DCAF1: variants seen among roughly 807,000 people sequenced by gnomAD.
DCAF1 encodes DDB1- and CUL4-associated factor 1.
A neutral mutation model predicts 128.0 loss-of-function variants in DCAF1; 15 were observed. The ratio of observed to expected loss-of-function variants is 0.12; its 90% confidence interval spans 0.08 to 0.18. The LOEUF (loss-of-function observed/expected upper bound fraction) is 0.18. DCAF1 is among the 10% of genes least tolerant of loss of function. The pLI is 1.00. For synonymous variants in DCAF1, 610 were observed against 603.0 expected, an observed-to-expected ratio of 1.01 and a Z score of -0.17; for missense variants, 988 against 1,649.5, an observed-to-expected ratio of 0.60 and a Z score of 6.95.
intron 17 of DCAF1, among the ~76,000 whole-genome samples, chr3:51,417,894 G>A (rs140537012): frequency 1.1e-4 from 16 of 152,030 alleles, no homozygotes; most frequent in East Asian, 9.7e-4. Context: ...ATTCTGGGTC[G>A]GGGTCTGCTG....
intron 2 of DCAF1, among the ~76,000 whole-genome samples, chr3:51,487,169 A>C (rs967831985): frequency 6.6e-6 from 1 of 151,500 alleles, no homozygotes; most frequent in Non-Finnish European, 1.5e-5. Flanking sequence ...ACAGGGTTTC[A>C]CCATGTTGGC....
chr3:51,404,408 C>G (rs905398960), intron 23 of DCAF1, among the ~76,000 whole-genome samples: 1 of 151,990 alleles, frequency 6.6e-6, no homozygotes, highest in Admixed American at 6.5e-5. Flanking sequence ...TTTTTTTGTT[C>G]TTATTATTTT....
At chr3:51,469,975 C>T (rs965970055) in intron 4 of DCAF1, among the ~76,000 whole-genome samples, 2 of 152,048 alleles carry the variant, frequency 1.3e-5, no homozygotes, top group African/African-American at 4.8e-5. Flanking sequence ...GAGCCAAGAT[C>T]GTGCCACTGC....
intron 6 of DCAF1, among the ~76,000 whole-genome samples, chr3:51,461,829 G>A (rs1292370242): frequency 2.0e-4 from 31 of 151,866 alleles, no homozygotes; most frequent in African/African-American, 6.5e-4. Context: ...ACCAAACACC[G>A]CATGTTCTCA....
chr3:51,458,873 A>G lies in DCAF1; in HGVS notation c.375+4241T>C, dbSNP rs1162323757. ...GATGTTCTTTGAAACCAATGAGAAC[A>G]AAGACAAAACATACCAGAATCTCTG... On this transcript the variant is annotated intron_variant, in intron 6 of 24. Coordinates refer to ENST00000684031, the MANE Select transcript of DCAF1 (RefSeq NM_001387579.1). Among the ~76,000 whole-genome samples the G allele has an allele frequency of 6.6e-5, 10 of 152,352 alleles. No homozygotes were observed. In the East Asian group the frequency reaches 1.9e-3, roughly 29 times the overall value.
chr3:51,468,924 T>A (rs1221974239), intron 4 of DCAF1, among the ~76,000 whole-genome samples: 3 of 152,220 alleles, frequency 2.0e-5, no homozygotes, highest in Non-Finnish European at 4.4e-5. Context: ...CATAATCCTA[T>A]GCATTAACTT....
chr3:51,407,211 T>C (rs1229585052), intron 23 of DCAF1, among the ~76,000 whole-genome samples: 4 of 151,692 alleles, frequency 2.6e-5, no homozygotes, highest in Non-Finnish European at 5.9e-5. Flanking sequence ...AATCTGATCC[T>C]GACCTTTATG....
downstream of DCAF1, chr3:51,396,458 T>G (rs1299547161): frequency 1.2e-5 from 2 of 167,156 alleles, no homozygotes; most frequent in Non-Finnish European, 2.9e-5. Context: ...GGAGGTCAGG[T>G]GGTCAATGTC....
upstream of DCAF1, among the ~76,000 whole-genome samples, chr3:51,500,771 G>A (rs577327314): frequency 7.7e-4 from 115 of 150,100 alleles, no homozygotes; most frequent in Middle Eastern, 3.5e-3. Context: ...GGCTGTTCTC[G>A]AACTCCTGGG....
intron 3 of DCAF1, among the ~76,000 whole-genome samples, chr3:51,474,627 T>G (rs1298326510): frequency 2.0e-5 from 3 of 151,756 alleles, no homozygotes; most frequent in African/African-American, 7.3e-5. Context: ...TTTAATGTTT[T>G]TTTAAGAGAC....
intron 23 of DCAF1, among the ~76,000 whole-genome samples, chr3:51,408,139 A>C (rs1490401993): frequency 2.6e-5 from 4 of 152,186 alleles, no homozygotes; most frequent in Non-Finnish European, 4.4e-5. Context: ...TGGGTGTCCA[A>C]TACATTGTTT....
intron 6 of DCAF1, among the ~76,000 whole-genome samples, chr3:51,460,207 AG>A (rs1553644069): frequency 6.6e-6 from 1 of 152,198 alleles, no homozygotes; most frequent in Non-Finnish European, 1.5e-5. Context: ...ACTTCAGCAA[AG>A]TCTCAGGATA....
chr3:51,463,677 G>A (rs1386683854), intron 5 of DCAF1, among the ~76,000 whole-genome samples: 1 of 152,028 alleles, frequency 6.6e-6, no homozygotes, highest in Non-Finnish European at 1.5e-5. Context: ...CAGCTACATG[G>A]GAGGCTGAGG....
At chr3:51,459,279 C>A (rs1553643835) in intron 6 of DCAF1, among the ~76,000 whole-genome samples, 1 of 152,158 alleles carries the variant, frequency 6.6e-6, no homozygotes. Flanking sequence ...CTATAAACAC[C>A]TCTACACAAA....
At chr3:51,432,193 C>A (rs1367581846) in intron 10 of DCAF1, among the ~76,000 whole-genome samples, 10 of 149,668 alleles carry the variant, frequency 6.7e-5, no homozygotes, top group African/African-American at 2.2e-4. Flanking sequence ...ATTGCTTGAA[C>A]CTGGGAGTTG....
intron 3 of DCAF1, among the ~76,000 whole-genome samples, chr3:51,483,469 A>G (rs1553653838): frequency 6.6e-6 from 1 of 152,056 alleles, no homozygotes; most frequent in African/African-American, 2.4e-5. Flanking sequence ...AAATTAAATA[A>G]GAAAATTAAA....
intron 15 of DCAF1, among the ~76,000 whole-genome samples, chr3:51,419,390 C>T (rs1425981487): frequency 1.3e-5 from 2 of 151,982 alleles, no homozygotes; most frequent in African/African-American, 4.8e-5. Context: ...TGTTTAAAAC[C>T]TGTGATCCCG....
intron 9 of DCAF1, among the ~76,000 whole-genome samples, chr3:51,436,076 G>T (rs1577135999): frequency 6.6e-6 from 1 of 152,310 alleles, no homozygotes; most frequent in East Asian, 1.9e-4. Flanking sequence ...CAAAACTTCT[G>T]CTTCAAGACG....
At chr3:51,478,944 A>G (rs1705820205) in intron 3 of DCAF1, among the ~76,000 whole-genome samples, 1 of 152,156 alleles carries the variant, frequency 6.6e-6, no homozygotes, top group African/African-American at 2.4e-5. Flanking sequence ...AAACTTTCAT[A>G]ATATTATAGT....
Sources: allele counts gnomAD v4.1 joint callset (sites outside exome capture counted in the v4.1 genomes callset), GRCh38; gene constraint gnomAD v4.1.1; transcripts MANE v1.5; gene names NCBI Gene and HGNC (gene_info 2026-07-23, HGNC 2026-07-21).